Variants in PLPP1 observed in about 807,000 individuals in gnomAD.
PLPP1 encodes the protein lipid phosphate phosphohydrolase 1a.
A neutral mutation model predicts 31.2 loss-of-function variants in PLPP1; 24 were observed. The ratio of observed to expected loss-of-function variants is 0.77; its 90% CI spans 0.56 to 1.08. The LOEUF (loss-of-function observed/expected upper bound fraction) is 1.08, where lower values mean the gene tolerates loss of function less well. PLPP1 is among the 50% of genes least tolerant of loss of function. The pLI, the probability that PLPP1 is intolerant of heterozygous loss-of-function variation, is 0.00. For missense variants in PLPP1, 319 were observed against 342.7 expected, an observed-to-expected ratio of 0.93 and a Z score of 0.55; for synonymous variants, 146 against 126.3, an observed-to-expected ratio of 1.16 and a Z score of -1.05.
intron 1 of PLPP1, 79 bp from the exon 2 acceptor site, chr5:55,475,529 CTCTG>C: frequency 7.7e-7 from 1 of 1,306,334 alleles, no homozygotes; most frequent in South Asian, 1.6e-5. Flanking sequence ...ATCCCACAGA[CTCTG>C]TCTAAAAATG....
chr5:55,441,210 G>A (rs976425874), intron 4 of PLPP1, among the ~76,000 whole-genome samples: 1 of 152,306 alleles, frequency 6.6e-6, no homozygotes, highest in Admixed American at 6.5e-5. Context: ...AATGCAAAAT[G>A]TGGGTGCAAA....
At chr5:55,483,449 A>G (rs1173480594) in intron 1 of PLPP1, among the ~76,000 whole-genome samples, 1 of 152,144 alleles carries the variant, frequency 6.6e-6, no homozygotes, top group African/African-American at 2.4e-5. Flanking sequence ...AGGTGGGCAG[A>G]TCACATGAGG....
chr5:55,496,288 A>G lies in PLPP1; in HGVS notation c.59-20838T>C, dbSNP rs113555360. Reference sequence around the variant, plus strand: ...TACACTTTTTCCTTAATACCTAAAGAACATAGATACTGTTTTGACCCTAAT... The same window carrying G: ...TACACTTTTTCCTTAATACCTAAAGGACATAGATACTGTTTTGACCCTAAT... On this transcript the variant is annotated intron_variant, in intron 1 of 5. Coordinates refer to ENST00000307259, the MANE Select transcript of PLPP1 (RefSeq NM_003711.4). 5.1e-3 allele frequency among the ~76,000 whole-genome samples: 772 copies of G among 152,332 alleles called. 3 individuals carry two copies. Among genetic ancestry groups the G allele is most frequent in the African/African-American group, 0.018 (744 of 41,588 alleles).
intron 1 of PLPP1, among the ~76,000 whole-genome samples, chr5:55,501,388 G>T (rs774574815): frequency 1.3e-5 from 2 of 152,192 alleles, no homozygotes; most frequent in East Asian, 3.8e-4. Flanking sequence ...ATGCCTAATT[G>T]ATAGGTTCTC....
At position 55,441,889 on chromosome 5, in the gene PLPP1, G is replaced by T; in HGVS notation, c.511C>A (p.His171Asn). Reference protein sequence around the residue: ...KEGRLSFYSGHSSFSMYCMLF... With the variant: ...KEGRLSFYSGNSSFSMYCMLF... Reference sequence around the variant, plus strand: ...ATGCAGTACATGGAAAACGAAGAGTGGCCTGAATAGAAGGACAACCTGGAA... The same window carrying T: ...ATGCAGTACATGGAAAACGAAGAGTTGCCTGAATAGAAGGACAACCTGGAA... The change falls in exon 4 of 6, where the codon CAC (histidine) becomes AAC (asparagine). Residue 171 changes from histidine (H) to asparagine (N), a missense_variant. Coordinates refer to ENST00000307259, the MANE Select transcript of PLPP1 (RefSeq NM_003711.4). 6.2e-7 allele frequency: 1 copy of T among 1,613,866 alleles called. No homozygotes were observed. The highest frequency in any genetic ancestry group is 8.5e-7 in the Non-Finnish European group (1 of 1,179,768).
chr5:55,502,734 C>T (rs1183627721), intron 1 of PLPP1, among the ~76,000 whole-genome samples: 1 of 152,072 alleles, frequency 6.6e-6, no homozygotes, highest in Non-Finnish European at 1.5e-5. Flanking sequence ...AACATATTAA[C>T]ACAAGGCACT....
intron 2 of PLPP1, among the ~76,000 whole-genome samples, chr5:55,469,391 G>A (rs1471802458): frequency 6.6e-6 from 1 of 151,862 alleles, no homozygotes; most frequent in Non-Finnish European, 1.5e-5. Context: ...TTGGGAAACT[G>A]AGGCGGGAGA....
intron 1 of PLPP1, among the ~76,000 whole-genome samples, chr5:55,524,614 A>C (rs576493319): frequency 1.1e-4 from 17 of 152,248 alleles, no homozygotes; most frequent in African/African-American, 4.1e-4. Context: ...GTTTCAGACT[A>C]GCCTGGCCAA....
intron 1 of PLPP1, among the ~76,000 whole-genome samples, chr5:55,484,211 G>A (rs951403849): frequency 6.6e-6 from 1 of 152,084 alleles, no homozygotes; most frequent in African/African-American, 2.4e-5. Flanking sequence ...TCCCACCTTT[G>A]ATACATAAAT....
At chr5:55,503,331 G>A (rs1251528931) in intron 1 of PLPP1, among the ~76,000 whole-genome samples, 2 of 152,184 alleles carry the variant, frequency 1.3e-5, no homozygotes, top group African/African-American at 4.8e-5. Flanking sequence ...CCTGATCTTA[G>A]TATATTGCCT....
chr5:55,528,590 A>T (rs1355815214), intron 1 of PLPP1, among the ~76,000 whole-genome samples: 1 of 152,196 alleles, frequency 6.6e-6, no homozygotes. Flanking sequence ...TAAAATCTGA[A>T]ATGACCCTTA....
Position 55,534,901 on chromosome 5 carries a change from G to C in PLPP1, c.-272C>G. On this transcript the variant is annotated 5_prime_UTR_variant, in exon 1 of 6. Coordinates refer to ENST00000307259, the MANE Select transcript of PLPP1 (RefSeq NM_003711.4). ...CAGCCGCGGCAGCTCTGTAGCCTCA[G>C]GACCTCCTCAGCCGGCACGGCCTGC... The C allele has an allele frequency of 2.2e-6, 1 of 460,148 alleles. No individual in the cohort carries two copies. The highest frequency in any genetic ancestry group is 3.8e-6 in the Non-Finnish European group (1 of 260,016). 28.5% of individuals were successfully genotyped at this position (460,148 alleles called of 1,614,324 possible).
chr5:55,518,457 C>A (rs1249630707), intron 1 of PLPP1, among the ~76,000 whole-genome samples: 1 of 152,132 alleles, frequency 6.6e-6, no homozygotes, highest in African/African-American at 2.4e-5. Context: ...CCGCGCCCGG[C>A]CTTTTTTCAT....
chr5:55,476,271 C>T (rs1485890161), intron 1 of PLPP1, among the ~76,000 whole-genome samples: 1 of 151,956 alleles, frequency 6.6e-6, no homozygotes, highest in African/African-American at 2.4e-5. Flanking sequence ...ATAGCCTCAG[C>T]CTCCCAAAGT....
intron 1 of PLPP1, chr5:55,491,044 G>A: frequency 1.2e-6 from 2 of 1,613,540 alleles, no homozygotes; most frequent in South Asian, 2.2e-5. Context: ...TGATGCTGTT[G>A]TCTTTACAGA....
At chr5:55,491,803 A>T (rs1407730605) in intron 1 of PLPP1, among the ~76,000 whole-genome samples, 7 of 142,160 alleles carry the variant, frequency 4.9e-5, no homozygotes, top group Admixed American at 4.5e-4. Context: ...GGTTGCAGTG[A>T]GTCAAGATTG....
intron 3 of PLPP1, among the ~76,000 whole-genome samples, chr5:55,445,210 T>C (rs890543094): frequency 2.6e-5 from 4 of 152,194 alleles, no homozygotes; most frequent in Non-Finnish European, 5.9e-5. Flanking sequence ...CCCCCATGCA[T>C]GTGAGTTCCC....
intron 3 of PLPP1, among the ~76,000 whole-genome samples, chr5:55,457,661 T>C (rs878987856): frequency 3.9e-5 from 6 of 152,198 alleles, no homozygotes; most frequent in Admixed American, 2.0e-4. Flanking sequence ...GAGGCCAAGG[T>C]GGGCAGATCA....
Position 55,534,674 on chromosome 5 carries a change from G to C in PLPP1, c.-45C>G. 1 of 1,512,522 alleles carries C rather than the reference G, an allele frequency of 6.6e-7. No individual in the cohort carries two copies. Among genetic ancestry groups the C allele is most frequent in the South Asian group, 1.2e-5 (1 of 80,676 alleles). The allele number at this position is 1,512,522 out of a possible 1,614,324, so 93.7% of individuals were successfully genotyped here. ...CGGCAAGGGCGATGGACTGAGCTGC[G>C]GGACGGCGGCCGAGGCCCTTGATTC... On this transcript the variant is annotated 5_prime_UTR_variant, in exon 1 of 6. Coordinates refer to ENST00000307259, the MANE Select transcript of PLPP1 (RefSeq NM_003711.4).
Sources: gnomAD v4.1 joint callset for allele counts (sites outside exome capture counted in the v4.1 genomes callset) on GRCh38, gnomAD v4.1.1 for gene constraint, MANE v1.5 for transcripts, NCBI Gene and HGNC (gene_info 2026-07-23, HGNC 2026-07-21) for gene names.